Variants in PCDHGB4 observed in about 807,000 individuals in gnomAD.
The protein encoded by PCDHGB4 is protocadherin gamma subfamily B, 4.
PCDHGB4 carries 38 observed loss-of-function variants against 60.5 expected under a neutral mutation model. The ratio of observed to expected loss-of-function variants is 0.63; its 90% CI spans 0.48 to 0.82. PCDHGB4 has a LOEUF of 0.82. Among genes scored for constraint, PCDHGB4 ranks in the 40% least tolerant of loss-of-function variants. The pLI, the probability that PCDHGB4 is intolerant of heterozygous loss-of-function variation, is 0.00. For missense variants in PCDHGB4, 1,109 were observed against 1,209.6 expected (o/e 0.92, Z 1.23); for synonymous variants, 456 against 509.7 (o/e 0.89, Z 1.42).
chr5:141,397,271 T>C (rs552218945), intron 1 of PCDHGB4, among the ~76,000 whole-genome samples: 1 of 152,312 alleles, frequency 6.6e-6, no homozygotes, highest in East Asian at 1.9e-4. Context: ...AGCTACATCA[T>C]ATGGGCAGTA....
chr5:141,399,460 G>C (rs1465606526), intron 1 of PCDHGB4: 1 of 1,613,962 alleles, frequency 6.2e-7, no homozygotes, highest in Admixed American at 1.7e-5. Context: ...CAACGATAAC[G>C]CTCCGGTTTT....
At chr5:141,464,685 C>A (rs1283627323) in intron 1 of PCDHGB4, among the ~76,000 whole-genome samples, 1 of 152,006 alleles carries the variant, frequency 6.6e-6, no homozygotes, top group Non-Finnish European at 1.5e-5. Flanking sequence ...ATTAAAATTT[C>A]TCTTATTATG....
chr5:141,420,975 G>A, intron 1 of PCDHGB4: 2 of 458,946 alleles, frequency 4.4e-6, no homozygotes, highest in South Asian at 4.2e-5. Context: ...TAATAAGAAT[G>A]GGCTCTAGGC....
intron 2 of PCDHGB4, among the ~76,000 whole-genome samples, chr5:141,502,725 G>A (rs1020846462): frequency 2.0e-5 from 3 of 152,150 alleles, no homozygotes; most frequent in Non-Finnish European, 4.4e-5. Context: ...ATTACAAAGC[G>A]GTGATGTTCT....
intron 1 of PCDHGB4, among the ~76,000 whole-genome samples, chr5:141,437,426 C>T (rs531265278): frequency 6.6e-6 from 1 of 152,268 alleles, no homozygotes; most frequent in South Asian, 2.1e-4. Flanking sequence ...CTTTTTGAAG[C>T]AGCAATAGCA....
At chr5:141,404,063 G>A in intron 1 of PCDHGB4, 1 of 1,613,798 alleles carries the variant, frequency 6.2e-7, no homozygotes, top group Non-Finnish European at 8.5e-7. Context: ...TCTTTTCAAT[G>A]CTCATGACCG....
At chr5:141,409,772 C>T (rs2095314133) in intron 1 of PCDHGB4, 1 of 1,612,736 alleles carries the variant, frequency 6.2e-7, no homozygotes, top group Non-Finnish European at 8.5e-7. Flanking sequence ...TGATCACGAG[C>T]AGCTGCGCGC....
chr5:141,489,094 G>GAAT lies in PCDHGB4; in HGVS notation c.2398-5711_2398-5710insTAA, dbSNP rs2154581134. 5.1e-6 allele frequency: 2 copies of GAAT among 396,028 alleles called. No homozygotes were observed. Among genetic ancestry groups the GAAT allele is most frequent in the Non-Finnish European group, 9.0e-6 (2 of 221,296 alleles). 24.5% of individuals were successfully genotyped at this position (396,028 alleles called of 1,614,324 possible). Reference sequence around the variant, plus strand: ...CCCACCCCCGCCACTCGGTGACTAAGAACTGCTGCAAGCAGGCAAACCTCC... The same window carrying GAAT: ...CCCACCCCCGCCACTCGGTGACTAAGAATAACTGCTGCAAGCAGGCAAACCTCC... On this transcript the variant is annotated intron_variant, in intron 1 of 3. Coordinates refer to ENST00000519479, the MANE Select transcript of PCDHGB4 (RefSeq NM_003736.4). The surrounding 1 kb of genome is among the most constrained non-coding windows in gnomAD (Gnocchi z 4.5).
At chr5:141,403,159 A>G (rs778714191) in intron 1 of PCDHGB4, 2 of 1,614,002 alleles carry the variant, frequency 1.2e-6, no homozygotes, top group East Asian at 4.5e-5. Context: ...TCGTCTCTAG[A>G]GGTAGGACGC....
At chr5:141,421,065 A>C in intron 1 of PCDHGB4, 1 of 591,556 alleles carries the variant, frequency 1.7e-6, no homozygotes. Flanking sequence ...CACAAAGCGG[A>C]ATGAGATGGA....
At chr5:141,411,955 A>G (rs1427605209) in intron 1 of PCDHGB4, 2 of 152,244 alleles carry the variant, frequency 1.3e-5, no homozygotes, top group Admixed American at 6.5e-5. Context: ...TTTGAAGAAA[A>G]AAGATAAAAT....
chr5:141,499,401 C>A lies in PCDHGB4; in HGVS notation c.2456+4536C>A, dbSNP rs115575614. ...TTCCACTTATAAAATAGTACATGCTCATTATAGAAACATGAAAAATAGAAA... is the reference window on the plus strand; with the variant it reads ...TTCCACTTATAAAATAGTACATGCTAATTATAGAAACATGAAAAATAGAAA... On this transcript the variant is annotated intron_variant, in intron 2 of 3. Coordinates refer to ENST00000519479, the MANE Select transcript of PCDHGB4 (RefSeq NM_003736.4). Among the ~76,000 whole-genome samples, 871 of 152,186 alleles carry A rather than the reference C, an allele frequency of 5.7e-3. 5 individuals are homozygous for A. Among genetic ancestry groups the A allele is most frequent in the African/African-American group, 0.02 (847 of 41,502 alleles).
At chr5:141,416,998 CAAAT>C (rs2096073182) in intron 1 of PCDHGB4, 1 of 150,816 alleles carries the variant, frequency 6.6e-6, no homozygotes, top group South Asian at 2.1e-4. Flanking sequence ...GCATTCATCT[CAAAT>C]AATTCTATTA....
intron 1 of PCDHGB4, chr5:141,423,051 CCTG>C (rs771403541): frequency 2.5e-6 from 4 of 1,614,208 alleles, no homozygotes; most frequent in Admixed American, 1.7e-5. Flanking sequence ...TGTCCTATCG[CCTG>C]CTTAAGGCCA....
rs1321974739 is a variant in PCDHGB4, at chr5:141,432,755, G to A, written c.2397+42474G>A. The A allele has an allele frequency of 2.5e-6, 4 of 1,614,134 alleles. No individual in the cohort carries two copies. Among genetic ancestry groups the A allele is most frequent in the African/African-American group, 1.3e-5 (1 of 75,060 alleles). On this transcript the variant is annotated intron_variant, in intron 1 of 3. Coordinates refer to ENST00000519479, the MANE Select transcript of PCDHGB4 (RefSeq NM_003736.4). This position sits in a 1 kb window ranked among gnomAD's most constrained non-coding sequence, Gnocchi z 6.0. ...TGTCACGCTCACCGTGGCCGTGGCC[G>A]ACAGCATCCCCCAAGTCCTGGCGGA...
At chr5:141,510,579 C>T (rs2099881748) in intron 3 of PCDHGB4, among the ~76,000 whole-genome samples, 1 of 152,170 alleles carries the variant, frequency 6.6e-6, no homozygotes, top group Non-Finnish European at 1.5e-5. Flanking sequence ...CACTATTTTA[C>T]GTACCTGACA....
At chr5:141,397,920 T>A (rs2093586320) in intron 1 of PCDHGB4, 15 of 727,102 alleles carry the variant, frequency 2.1e-5, no homozygotes, top group Non-Finnish European at 3.3e-5. Flanking sequence ...CCAGATCTCC[T>A]CGCGCAGCCG....
At position 141,489,135 on chromosome 5, in the gene PCDHGB4, G is replaced by T; in HGVS notation, c.2398-5672G>T. The T allele has an allele frequency of 1.4e-6, 1 of 725,448 alleles. No individual in the cohort carries two copies. The highest frequency in any genetic ancestry group is 2.1e-6 in the Non-Finnish European group (1 of 470,770). 44.9% of individuals were successfully genotyped at this position (725,448 alleles called of 1,614,324 possible). ...GCAAACCTCCGAGCAGTTTTTAAGA[G>T]GCTGGAAGGAGACATAAGAGACTTC... On this transcript the variant is annotated intron_variant, in intron 1 of 3. Coordinates refer to ENST00000519479, the MANE Select transcript of PCDHGB4 (RefSeq NM_003736.4). The surrounding 1 kb of genome is among the most constrained non-coding windows in gnomAD (Gnocchi z 4.5).
Position 141,490,854 on chromosome 5 carries a change from C to T in PCDHGB4, c.2398-3953C>T. On this transcript the variant is annotated intron_variant, in intron 1 of 3. Transcript: ENST00000519479. The surrounding 1 kb of genome is among the most constrained non-coding windows in gnomAD (Gnocchi z 5.4). The stretch of plus-strand genomic sequence containing the variant: ...TGCAGATTGTGGTGGGGGTTCGAGA[C>T]TCCGGCTCTCCCCCATTGCATGCCA... 6.2e-7 allele frequency: 1 copy of T among 1,613,900 alleles called. No homozygotes were observed. The highest frequency in any genetic ancestry group is 8.5e-7 in the Non-Finnish European group (1 of 1,179,914).
Sources: allele counts gnomAD v4.1 joint callset (sites outside exome capture counted in the v4.1 genomes callset), GRCh38; gene constraint gnomAD v4.1.1; non-coding constraint Gnocchi (gnomAD v3.1); transcripts MANE v1.5; gene names NCBI Gene and HGNC (gene_info 2026-07-23, HGNC 2026-07-21).